The following ST18 variants were observed in gnomAD, a reference collection of about 807,000 sequenced individuals.
The protein encoded by ST18 is ST18 C2H2C-type zinc finger transcription factor.
Under a neutral mutation model 110.0 loss-of-function variants are expected in ST18, and 50 were observed. The observed-to-expected ratio is 0.45, with a 90% CI of 0.36 to 0.58. The LOEUF is 0.58. ST18 is among the 20% of genes least tolerant of loss of function. The probability of loss-of-function intolerance (pLI) is 0.00; values close to 1 mark genes in which losing one functional copy is unlikely to be tolerated. For synonymous variants in ST18, 461 were observed against 452.4 expected (o/e 1.02, Z -0.24); for missense variants, 1,306 against 1,280.1 (o/e 1.02, Z -0.31).
intron 2 of ST18, among the ~76,000 whole-genome samples, chr8:52,297,409 A>C (rs1356086562): frequency 6.6e-6 from 1 of 152,244 alleles, no homozygotes; most frequent in Non-Finnish European, 1.5e-5. Flanking sequence ...CTTTTTTTAA[A>C]ATAATTTTTA....
intron 2 of ST18, chr8:52,294,372 C>G (rs1433601260): frequency 6.6e-6 from 1 of 152,218 alleles, no homozygotes; most frequent in Admixed American, 6.5e-5. Context: ...ATAATAACTG[C>G]CTTGAATGTA....
At chr8:52,296,795 C>T (rs1316921327) in intron 2 of ST18, among the ~76,000 whole-genome samples, 1 of 151,970 alleles carries the variant, frequency 6.6e-6, no homozygotes, top group Non-Finnish European at 1.5e-5. Flanking sequence ...ATCACAGTGC[C>T]TGGTGCTACA....
chr8:52,200,475 G>C (rs2077587632), intron 8 of ST18, among the ~76,000 whole-genome samples: 3 of 152,224 alleles, frequency 2.0e-5, no homozygotes, highest in Admixed American at 2.0e-4. Flanking sequence ...GGGGGACCCA[G>C]CGCGGATTCT....
chr8:52,219,363 G>A (rs1432651167), intron 5 of ST18, among the ~76,000 whole-genome samples: 1 of 152,042 alleles, frequency 6.6e-6, no homozygotes, highest in Non-Finnish European at 1.5e-5. Context: ...AAGAATAGGA[G>A]CGAATTCAGA....
At chr8:52,297,560 A>G (rs1437066047) in intron 2 of ST18, among the ~76,000 whole-genome samples, 1 of 152,240 alleles carries the variant, frequency 6.6e-6, no homozygotes, top group Non-Finnish European at 1.5e-5. Context: ...CTAAGGTAAA[A>G]TCAATGGAAG....
intron 2 of ST18, among the ~76,000 whole-genome samples, chr8:52,281,296 AT>A (rs1253261657): frequency 6.6e-6 from 1 of 152,156 alleles, no homozygotes; most frequent in Non-Finnish European, 1.5e-5. Flanking sequence ...GAAAATAATC[AT>A]AAAGAAGTGT....
chr8:52,163,890 T>G (rs986210510), intron 13 of ST18, 96 bp downstream of exon 13: 1 of 907,244 alleles, frequency 1.1e-6, no homozygotes. Flanking sequence ...AGAGGGGAGG[T>G]CAAGCCACAG....
intron 2 of ST18, among the ~76,000 whole-genome samples, chr8:52,267,230 C>T (rs2094901393): frequency 1.3e-5 from 2 of 151,930 alleles, no homozygotes; most frequent in Non-Finnish European, 2.9e-5. Flanking sequence ...AATGAGAGGC[C>T]ATACTTTAGG....
At chr8:52,243,748 T>C (rs539010114) in intron 2 of ST18, among the ~76,000 whole-genome samples, 4 of 152,324 alleles carry the variant, frequency 2.6e-5, no homozygotes, top group South Asian at 4.1e-4. Flanking sequence ...TATATCATCA[T>C]TGTTCTGAAC....
intron 8 of ST18, among the ~76,000 whole-genome samples, chr8:52,192,511 TTG>T (rs2074873243): frequency 6.6e-6 from 1 of 152,114 alleles, no homozygotes; most frequent in Non-Finnish European, 1.5e-5. Flanking sequence ...AGCCCAGAAA[TTG>T]CTAGCCTGAT....
chr8:52,361,543 T>C (rs966870139), intron 2 of ST18, among the ~76,000 whole-genome samples: 2 of 152,230 alleles, frequency 1.3e-5, no homozygotes, highest in African/African-American at 4.8e-5. Context: ...TTAAATGGGA[T>C]GACATTTAAA....
intron 2 of ST18, among the ~76,000 whole-genome samples, chr8:52,311,178 A>G (rs2095899998): frequency 6.6e-6 from 1 of 152,088 alleles, no homozygotes; most frequent in South Asian, 2.1e-4. Flanking sequence ...TCCTTGCCCA[A>G]CCCTCAGGGG....
chr8:52,309,919 A>G (rs1001696340), intron 2 of ST18, among the ~76,000 whole-genome samples: 2 of 152,136 alleles, frequency 1.3e-5, no homozygotes, highest in East Asian at 3.9e-4. Flanking sequence ...TGTTAACGCC[A>G]TTCTTTTTCC....
At chr8:52,404,758 T>C (rs1024426419) in intron 2 of ST18, 1 of 152,216 alleles carries the variant, frequency 6.6e-6, no homozygotes, top group Non-Finnish European at 1.5e-5. Context: ...ACCAACGCTT[T>C]AGAAAAAGAA....
At chr8:52,378,190 TA>T (rs1377132142) in intron 2 of ST18, among the ~76,000 whole-genome samples, 1 of 152,108 alleles carries the variant, frequency 6.6e-6, no homozygotes, top group Non-Finnish European at 1.5e-5. Flanking sequence ...AGTAGCAAAG[TA>T]GGGTGACTAG....
At chr8:52,375,640 AT>A (rs1452202196) in intron 2 of ST18, among the ~76,000 whole-genome samples, 1 of 152,018 alleles carries the variant, frequency 6.6e-6, no homozygotes. Flanking sequence ...TTTCCTCTTT[AT>A]CCTCAATGCC....
chr8:52,361,413 A>C (rs1272974563), intron 2 of ST18, among the ~76,000 whole-genome samples: 2 of 152,360 alleles, frequency 1.3e-5, no homozygotes, highest in South Asian at 2.1e-4. Flanking sequence ...GACATATGGA[A>C]GGCATGAAAA....
At chr8:52,338,856 G>A (rs1813481686) in intron 2 of ST18, among the ~76,000 whole-genome samples, 1 of 151,874 alleles carries the variant, frequency 6.6e-6, no homozygotes, top group Non-Finnish European at 1.5e-5. Flanking sequence ...TCCTACCTCA[G>A]TCTCCTGAAT....
chr8:52,224,470 AGC>A (rs2088421026), intron 3 of ST18, among the ~76,000 whole-genome samples: 1 of 152,232 alleles, frequency 6.6e-6, no homozygotes, highest in Non-Finnish European at 1.5e-5. Context: ...AATGAAGATA[AGC>A]ACTGAATTTC....
Sources: allele counts gnomAD v4.1 joint callset (sites outside exome capture counted in the v4.1 genomes callset), GRCh38; gene constraint gnomAD v4.1.1; transcripts MANE v1.5; gene names NCBI Gene and HGNC (gene_info 2026-07-23, HGNC 2026-07-21).